LRRC4C: variants seen among roughly 807,000 people sequenced by gnomAD.
The protein encoded by LRRC4C is leucine rich repeat containing 4C.
In LRRC4C, 5 loss-of-function variants were observed where a neutral mutation model predicts 33.6. The ratio of observed to expected loss-of-function variants is 0.15; its 90% CI spans 0.08 to 0.31. The LOEUF is 0.31. Among genes scored for constraint, LRRC4C ranks in the 10% least tolerant of loss-of-function variants. The probability of loss-of-function intolerance (pLI) is 1.00; values close to 1 mark genes in which losing one functional copy is unlikely to be tolerated. For missense variants in LRRC4C, 560 were observed against 796.7 expected (o/e 0.70, Z 3.58); for synonymous variants, 329 against 302.0 (o/e 1.09, Z -0.93).
intron 1 of LRRC4C, among the ~76,000 whole-genome samples, chr11:41,141,525 A>T (rs533630728): frequency 6.6e-6 from 1 of 152,208 alleles, no homozygotes; most frequent in South Asian, 2.1e-4. Context: ...CCCAAATCTC[A>T]CCTTGAATTG....
At chr11:41,152,083 G>A (rs183941804) in intron 1 of LRRC4C, among the ~76,000 whole-genome samples, 5 of 152,210 alleles carry the variant, frequency 3.3e-5, no homozygotes, top group South Asian at 4.2e-4. Context: ...CACTGTCCAC[G>A]TAGTTCTCTT....
At chr11:40,397,345 C>G (rs565916447) in intron 3 of LRRC4C, among the ~76,000 whole-genome samples, 2 of 151,920 alleles carry the variant, frequency 1.3e-5, no homozygotes, top group South Asian at 4.1e-4. Flanking sequence ...TTTAATATTG[C>G]TGGCAGTCAT....
chr11:40,587,596 G>A (rs1252288180), intron 3 of LRRC4C, among the ~76,000 whole-genome samples: 1 of 147,446 alleles, frequency 6.8e-6, no homozygotes, highest in Non-Finnish European at 1.5e-5. Context: ...CATTCAGTAT[G>A]ATATTGGCTG....
chr11:40,380,646 G>T (rs1274640689), intron 3 of LRRC4C, among the ~76,000 whole-genome samples: 3 of 152,156 alleles, frequency 2.0e-5, no homozygotes, highest in Non-Finnish European at 4.4e-5. Context: ...GATAATACGT[G>T]TAAAGTATCC....
At chr11:40,935,694 C>G (rs1012636563) in intron 1 of LRRC4C, among the ~76,000 whole-genome samples, 1 of 151,874 alleles carries the variant, frequency 6.6e-6, no homozygotes, top group Non-Finnish European at 1.5e-5. Context: ...ATGAAATTGC[C>G]TAATGACACA....
chr11:41,383,495 G>A (rs186690427), intron 1 of LRRC4C, among the ~76,000 whole-genome samples: 1 of 151,906 alleles, frequency 6.6e-6, no homozygotes, highest in Non-Finnish European at 1.5e-5. Flanking sequence ...AGATGTATAA[G>A]AATATGACTT....
At chr11:41,076,088 A>C (rs953022223) in intron 1 of LRRC4C, among the ~76,000 whole-genome samples, 4 of 152,090 alleles carry the variant, frequency 2.6e-5, no homozygotes, top group African/African-American at 9.7e-5. Context: ...TCCATAGATG[A>C]TCTCGTCCAA....
intron 3 of LRRC4C, among the ~76,000 whole-genome samples, chr11:40,335,364 C>G (rs1946550661): frequency 6.6e-6 from 1 of 152,108 alleles, no homozygotes; most frequent in African/African-American, 2.4e-5. Flanking sequence ...AATCCTACAC[C>G]TAAGTCCTCT....
At chr11:40,770,708 C>T (rs1485352976) in intron 2 of LRRC4C, among the ~76,000 whole-genome samples, 1 of 152,136 alleles carries the variant, frequency 6.6e-6, no homozygotes, top group South Asian at 2.1e-4. Context: ...TCAATGCACC[C>T]ATTCCAAATT....
At chr11:41,455,498 A>G (rs1156422886) in intron 1 of LRRC4C, among the ~76,000 whole-genome samples, 2 of 152,180 alleles carry the variant, frequency 1.3e-5, no homozygotes, top group Non-Finnish European at 2.9e-5. Flanking sequence ...CTAAGAATGT[A>G]CCACAAAAAT....
chr11:40,622,034 CT>C (rs1261770717), intron 3 of LRRC4C, among the ~76,000 whole-genome samples: 1 of 151,744 alleles, frequency 6.6e-6, no homozygotes. Context: ...GTGTAGATGA[CT>C]TTATCCAAGT....
intron 3 of LRRC4C, among the ~76,000 whole-genome samples, chr11:40,382,123 A>ATTTTTTT (rs77934711): frequency 6.4e-4 from 64 of 99,978 alleles, no homozygotes; most frequent in Non-Finnish European, 8.5e-4. Context: ...TGCCCGGCTA[A>ATTTTTTT]TTTTTTTTTT....
At chr11:40,675,998 C>T (rs948629833) in intron 2 of LRRC4C, among the ~76,000 whole-genome samples, 4 of 152,138 alleles carry the variant, frequency 2.6e-5, no homozygotes, top group Admixed American at 2.6e-4. Context: ...ATAAAACTCA[C>T]CAACACAAAT....
intron 1 of LRRC4C, among the ~76,000 whole-genome samples, chr11:41,158,942 A>G (rs1016879233): frequency 2.6e-5 from 4 of 152,250 alleles, no homozygotes; most frequent in Non-Finnish European, 5.9e-5. Context: ...ACTTTGTAGA[A>G]ATAAGACAAA....
At chr11:40,397,285 CA>C (rs1240684130) in intron 3 of LRRC4C, among the ~76,000 whole-genome samples, 5 of 151,818 alleles carry the variant, frequency 3.3e-5, no homozygotes, top group Non-Finnish European at 5.9e-5. Context: ...AATTTAACTT[CA>C]AAAAATAAAT....
intron 3 of LRRC4C, among the ~76,000 whole-genome samples, chr11:40,515,127 C>A (rs1955511147): frequency 6.6e-6 from 1 of 152,080 alleles, no homozygotes; most frequent in Non-Finnish European, 1.5e-5. Context: ...ATATGTGCTA[C>A]TTTGGTTTAG....
chr11:41,214,774 T>C (rs188825951), intron 1 of LRRC4C, among the ~76,000 whole-genome samples: 40 of 143,388 alleles, frequency 2.8e-4, no homozygotes, highest in South Asian at 6.4e-4. Flanking sequence ...TATATATATA[T>C]ACACACATAT....
intron 2 of LRRC4C, among the ~76,000 whole-genome samples, chr11:40,813,281 C>T (rs1232375636): frequency 1.3e-5 from 2 of 152,150 alleles, no homozygotes; most frequent in East Asian, 1.9e-4. Flanking sequence ...AATTGACTCA[C>T]AGTTTCATGT....
At chr11:40,764,043 G>T (rs1949343332) in intron 2 of LRRC4C, among the ~76,000 whole-genome samples, 1 of 152,120 alleles carries the variant, frequency 6.6e-6, no homozygotes, top group African/African-American at 2.4e-5. Flanking sequence ...TGCACTTTGG[G>T]GAGAGACTCT....
Sources: gnomAD v4.1 joint callset for allele counts (sites outside exome capture counted in the v4.1 genomes callset) on GRCh38, gnomAD v4.1.1 for gene constraint, MANE v1.5 for transcripts, NCBI Gene and HGNC (gene_info 2026-07-23, HGNC 2026-07-21) for gene names.